The following PBX3 variants were observed in gnomAD, a reference collection of about 807,000 sequenced individuals.
PBX3 encodes pre-B-cell leukemia transcription factor 3.
In PBX3, 14 loss-of-function variants were observed where a neutral mutation model predicts 48.5. The ratio of observed to expected loss-of-function variants is 0.29; its 90% CI spans 0.19 to 0.45. The LOEUF (loss-of-function observed/expected upper bound fraction) is 0.45. Ranked by LOEUF, PBX3 falls within the 20% of genes least tolerant of loss-of-function variation. The pLI is 1.00. For synonymous variants in PBX3, 210 were observed against 200.3 expected, an observed-to-expected ratio of 1.05 and a Z score of -0.41; for missense variants, 386 against 546.7, an observed-to-expected ratio of 0.71 and a Z score of 2.93.
intron 2 of PBX3, among the ~76,000 whole-genome samples, chr9:125,832,900 C>T (rs1414920993): frequency 1.3e-5 from 2 of 152,146 alleles, no homozygotes; most frequent in African/African-American, 4.8e-5. Flanking sequence ...GATTCCTTGT[C>T]ACCTGCTTTT....
rs563796646 is a variant in PBX3 at position 125,772,904 on chromosome 9, T to C, written c.274+24281T>C. 5.2e-4 allele frequency among the ~76,000 whole-genome samples: 79 copies of C among 152,296 alleles called. 2 individuals carry two copies. The South Asian group carries it at 0.016, about 32-fold the overall frequency. On this transcript the variant is annotated intron_variant, in intron 2 of 8. Coordinates refer to ENST00000373489, the MANE Select transcript of PBX3 (RefSeq NM_006195.6). ...AACATGGGGTGACACCATCTCTACC[T>C]ATTCTCCCCAGAAAAAAGAGTGATA...
At chr9:125,824,293 G>A (rs1391446072) in intron 2 of PBX3, among the ~76,000 whole-genome samples, 1 of 152,180 alleles carries the variant, frequency 6.6e-6, no homozygotes, top group Non-Finnish European at 1.5e-5. Flanking sequence ...TGGTCCGTTT[G>A]TGAGTCTCTG....
At chr9:125,871,268 G>C (rs562117558) in intron 2 of PBX3, among the ~76,000 whole-genome samples, 1 of 151,812 alleles carries the variant, frequency 6.6e-6, no homozygotes, top group East Asian at 1.9e-4. Context: ...GTGGTGGTGG[G>C]TGCTTGTAGT....
At chr9:125,924,521 G>T (rs10987039) in intron 3 of PBX3, among the ~76,000 whole-genome samples, 3 of 152,120 alleles carry the variant, frequency 2.0e-5, no homozygotes, top group Non-Finnish European at 2.9e-5. Context: ...GCCTGAAACC[G>T]TGTCAGTTAA....
chr9:125,788,701 C>T (rs573196418), intron 2 of PBX3, among the ~76,000 whole-genome samples: 6 of 152,154 alleles, frequency 3.9e-5, no homozygotes, highest in South Asian at 2.1e-4. Flanking sequence ...AGTGAAACCC[C>T]GTCTCTACTA....
At chr9:125,867,989 C>T (rs1382889543) in intron 2 of PBX3, among the ~76,000 whole-genome samples, 1 of 152,118 alleles carries the variant, frequency 6.6e-6, no homozygotes, top group African/African-American at 2.4e-5. Flanking sequence ...TAGCCTCCCA[C>T]CTCAGCCTTC....
chr9:125,854,011 T>C (rs1839653498), intron 2 of PBX3, among the ~76,000 whole-genome samples: 1 of 152,070 alleles, frequency 6.6e-6, no homozygotes, highest in East Asian at 1.9e-4. Flanking sequence ...CATACATATA[T>C]ACAAACACGC....
At chr9:125,853,071 G>C (rs1839626741) in intron 2 of PBX3, among the ~76,000 whole-genome samples, 2 of 152,068 alleles carry the variant, frequency 1.3e-5, no homozygotes, top group Non-Finnish European at 2.9e-5. Flanking sequence ...AGTGGAGTCA[G>C]TATCTGTATA....
At chr9:125,902,972 T>C (rs1295978967) in intron 2 of PBX3, among the ~76,000 whole-genome samples, 1 of 151,818 alleles carries the variant, frequency 6.6e-6, no homozygotes, top group Non-Finnish European at 1.5e-5. Flanking sequence ...GTAATTCTTC[T>C]GCTATCTGCA....
intron 2 of PBX3, among the ~76,000 whole-genome samples, chr9:125,788,818 T>G (rs1837524312): frequency 6.6e-6 from 1 of 151,210 alleles, no homozygotes; most frequent in African/African-American, 2.4e-5. Flanking sequence ...GAAGTTACAG[T>G]GAGCCCAGAT....
intron 6 of PBX3, among the ~76,000 whole-genome samples, chr9:125,961,124 C>A (rs1229646942): frequency 6.6e-6 from 1 of 152,208 alleles, no homozygotes; most frequent in African/African-American, 2.4e-5. Context: ...AGAGTGCTAT[C>A]GCTCATGACT....
chr9:125,829,385 T>C (rs536509730), intron 2 of PBX3, among the ~76,000 whole-genome samples: 20 of 152,290 alleles, frequency 1.3e-4, no homozygotes, highest in South Asian at 8.3e-4. Context: ...TTGTCACGTT[T>C]CTGGACAGCA....
intron 2 of PBX3, among the ~76,000 whole-genome samples, chr9:125,787,864 A>T (rs151163914): frequency 2.6e-5 from 4 of 152,330 alleles, no homozygotes; most frequent in Non-Finnish European, 5.9e-5. Context: ...TAGGTGATGG[A>T]TGATAAAGTT....
At chr9:125,773,777 G>A (rs1837001730) in intron 2 of PBX3, among the ~76,000 whole-genome samples, 1 of 152,020 alleles carries the variant, frequency 6.6e-6, no homozygotes, top group Admixed American at 6.6e-5. Context: ...TTTCCAAAAT[G>A]TGTGTGCCAG....
At chr9:125,922,009 A>G (rs1841467781) in intron 3 of PBX3, among the ~76,000 whole-genome samples, 1 of 152,144 alleles carries the variant, frequency 6.6e-6, no homozygotes, top group African/African-American at 2.4e-5. Context: ...TCTACTTTGC[A>G]GTTTTACTTC....
At chr9:125,784,047 A>G (rs944319784) in intron 2 of PBX3, among the ~76,000 whole-genome samples, 4 of 152,140 alleles carry the variant, frequency 2.6e-5, no homozygotes. Flanking sequence ...AGCAAGTCCA[A>G]TATCTGTGCT....
intron 5 of PBX3, among the ~76,000 whole-genome samples, chr9:125,957,569 C>T (rs534085667): frequency 6.6e-6 from 1 of 152,250 alleles, no homozygotes; most frequent in Non-Finnish European, 1.5e-5. Context: ...ATGAGACCTT[C>T]GATGGTACAG....
chr9:125,931,013 A>G (rs1022037386), intron 4 of PBX3, among the ~76,000 whole-genome samples: 2 of 152,190 alleles, frequency 1.3e-5, no homozygotes, highest in Non-Finnish European at 1.5e-5. Flanking sequence ...CAAGCTCACT[A>G]TGGAAAGTTT....
At chr9:125,807,458 T>G (rs2081062413) in intron 2 of PBX3, among the ~76,000 whole-genome samples, 1 of 152,234 alleles carries the variant, frequency 6.6e-6, no homozygotes, top group African/African-American at 2.4e-5. Context: ...AGCACTCTGG[T>G]AGAGGTTGGG....
Sources: gnomAD v4.1 joint callset for allele counts (sites outside exome capture counted in the v4.1 genomes callset) on GRCh38, gnomAD v4.1.1 for gene constraint, MANE v1.5 for transcripts, NCBI Gene and HGNC (gene_info 2026-07-23, HGNC 2026-07-21) for gene names.